Variants in RORB observed in about 807,000 individuals in gnomAD.
RORB encodes RAR related orphan receptor B.
A neutral mutation model predicts 59.1 loss-of-function variants in RORB; 6 were observed. The ratio of observed to expected loss-of-function variants is 0.10; its 90% confidence interval spans 0.06 to 0.20. RORB has a LOEUF of 0.20. Among genes scored for constraint, RORB ranks in the 10% least tolerant of loss-of-function variants. The probability of loss-of-function intolerance (pLI) is 1.00; values close to 1 mark genes in which losing one functional copy is unlikely to be tolerated. For synonymous variants in RORB, 215 were observed against 204.5 expected (o/e 1.05, Z -0.44); for missense variants, 320 against 560.5 (o/e 0.57, Z 4.33).
chr9:74,644,461 C>T (rs767381615), intron 4 of RORB, among the ~76,000 whole-genome samples: 5 of 152,128 alleles, frequency 3.3e-5, no homozygotes, highest in Non-Finnish European at 5.9e-5. Flanking sequence ...GAAACCGAAG[C>T]TTAGAGATGT....
intron 6 of RORB, among the ~76,000 whole-genome samples, chr9:74,663,654 G>C (rs1824224152): frequency 1.3e-5 from 2 of 152,192 alleles, no homozygotes; most frequent in South Asian, 4.1e-4. Flanking sequence ...CCTTATCTCT[G>C]CTCCATGTGG....
chr9:74,553,445 A>G (rs975653392), intron 1 of RORB, among the ~76,000 whole-genome samples: 3 of 152,212 alleles, frequency 2.0e-5, no homozygotes, highest in Non-Finnish European at 2.9e-5. Flanking sequence ...GCCATATTTT[A>G]TCAGTAACAG....
chr9:74,527,545 T>A (rs988142715), intron 1 of RORB, among the ~76,000 whole-genome samples: 2 of 151,936 alleles, frequency 1.3e-5, no homozygotes, highest in African/African-American at 4.8e-5. Context: ...TTGCAGGGAA[T>A]TTTTTTTATA....
At chr9:74,583,590 G>T (rs1390568467) in intron 1 of RORB, among the ~76,000 whole-genome samples, 1 of 151,808 alleles carries the variant, frequency 6.6e-6, no homozygotes, top group East Asian at 1.9e-4. Context: ...TGTCCAGGGA[G>T]CATTTTCAAT....
At chr9:74,544,784 G>T (rs555560702) in intron 1 of RORB, among the ~76,000 whole-genome samples, 1 of 152,280 alleles carries the variant, frequency 6.6e-6, no homozygotes, top group South Asian at 2.1e-4. Context: ...CAGCCAGCTC[G>T]ATCAGCTGAG....
intron 9 of RORB, among the ~76,000 whole-genome samples, chr9:74,676,597 A>G (rs1301751244): frequency 6.6e-6 from 1 of 152,220 alleles, no homozygotes; most frequent in Non-Finnish European, 1.5e-5. Context: ...CATGGGCCAC[A>G]CCACACCTCT....
At chr9:74,546,795 T>G (rs530113356) in intron 1 of RORB, among the ~76,000 whole-genome samples, 111 of 152,128 alleles carry the variant, frequency 7.3e-4, no homozygotes, top group African/African-American at 2.6e-3. Flanking sequence ...CTCTTGTGAG[T>G]GAGTTTAGAG....
At chr9:74,569,046 C>T (rs1822511551) in intron 1 of RORB, among the ~76,000 whole-genome samples, 1 of 151,954 alleles carries the variant, frequency 6.6e-6, no homozygotes, top group South Asian at 2.1e-4. Context: ...GTTAGCTGAA[C>T]AGGTTGTTGC....
intron 1 of RORB, among the ~76,000 whole-genome samples, chr9:74,500,151 C>A (rs960775238): frequency 3.6e-4 from 55 of 152,256 alleles, no homozygotes; most frequent in African/African-American, 1.2e-3. Context: ...GCCCTAGGAC[C>A]CCTTACAACT....
At chr9:74,536,686 T>A (rs1826327407) in intron 1 of RORB, among the ~76,000 whole-genome samples, 1 of 152,042 alleles carries the variant, frequency 6.6e-6, no homozygotes, top group Non-Finnish European at 1.5e-5. Flanking sequence ...ACTGTGTATC[T>A]GGACTCATTT....
intron 1 of RORB, among the ~76,000 whole-genome samples, chr9:74,589,575 A>G (rs1822855171): frequency 6.6e-6 from 1 of 152,232 alleles, no homozygotes; most frequent in Non-Finnish European, 1.5e-5. Context: ...TATTGTACAG[A>G]TGCGGCTAGT....
chr9:74,653,951 C>T (rs1359886), intron 4 of RORB, among the ~76,000 whole-genome samples: 150,087 of 152,294 alleles, frequency 0.99, 73,998 homozygotes, highest in Middle Eastern at 1. Flanking sequence ...AACAAGACAT[C>T]GTCACCTTGC....
intron 4 of RORB, among the ~76,000 whole-genome samples, chr9:74,646,114 G>C (rs1476213560): frequency 2.3e-5 from 3 of 131,204 alleles, no homozygotes; most frequent in Non-Finnish European, 4.8e-5. Context: ...GGGTGAATTT[G>C]AGATTATGTC....
intron 1 of RORB, among the ~76,000 whole-genome samples, chr9:74,610,546 A>T (rs545082522): frequency 3.3e-5 from 5 of 152,330 alleles, no homozygotes; most frequent in Admixed American, 2.6e-4. Context: ...ATTAAATTAA[A>T]TTAATACCTA....
intron 3 of RORB, among the ~76,000 whole-genome samples, chr9:74,641,293 A>C (rs1248876812): frequency 2.0e-5 from 3 of 152,220 alleles, no homozygotes; most frequent in African/African-American, 7.2e-5. Context: ...TAAATATCTT[A>C]AGAAACAACA....
At chr9:74,587,024 T>C (rs139684741) in intron 1 of RORB, among the ~76,000 whole-genome samples, 443 of 152,356 alleles carry the variant, frequency 2.9e-3, no homozygotes, top group Non-Finnish European at 4.7e-3. Context: ...CAGATCAGAT[T>C]GTTTAACTTT....
rs1665055355 is a variant in RORB, at chr9:74,497,615, C to G, written c.-362C>G. 3.1e-6 allele frequency: 1 copy of G among 323,114 alleles called. No homozygotes were observed. Among genetic ancestry groups the G allele is most frequent in the African/African-American group, 2.1e-5 (1 of 47,842 alleles). The allele number at this position is 323,114 out of a possible 1,614,324, so 20.0% of individuals were successfully genotyped here. ...TGATCACAAAAGAAATCTTCTGAGC[C>G]GGAGGCGGTGGCATTTTTTAAAAAG... is the stretch of plus-strand genomic sequence containing the variant. On this transcript the variant is annotated 5_prime_UTR_variant, in exon 1 of 10. Coordinates refer to ENST00000376896, the MANE Select transcript of RORB (RefSeq NM_006914.4).
intron 1 of RORB, among the ~76,000 whole-genome samples, chr9:74,609,466 C>G (rs1053667968): frequency 6.6e-6 from 1 of 152,010 alleles, no homozygotes; most frequent in Non-Finnish European, 1.5e-5. Flanking sequence ...TTAATATGAC[C>G]CATACTGCCT....
At chr9:74,646,983 A>T (rs1823910963) in intron 4 of RORB, among the ~76,000 whole-genome samples, 1 of 152,216 alleles carries the variant, frequency 6.6e-6, no homozygotes, top group African/African-American at 2.4e-5. Flanking sequence ...TAGAAATAAA[A>T]TGTGGGTAAG....
Sources: gnomAD v4.1 joint callset for allele counts (sites outside exome capture counted in the v4.1 genomes callset) on GRCh38, gnomAD v4.1.1 for gene constraint, MANE v1.5 for transcripts, NCBI Gene and HGNC (gene_info 2026-07-23, HGNC 2026-07-21) for gene names.